The following KLRF1 variants were observed in gnomAD, a reference collection of about 807,000 sequenced individuals.
KLRF1 encodes the protein killer cell lectin-like receptor subfamily F member 1.
Under a neutral mutation model 30.7 loss-of-function variants are expected in KLRF1, and 27 were observed. That is an observed-to-expected ratio of 0.88 (90% confidence interval 0.65 to 1.21). The LOEUF (loss-of-function observed/expected upper bound fraction) is 1.21. Ranked by LOEUF, KLRF1 falls within the 50% of genes most tolerant of loss-of-function variation. The probability of loss-of-function intolerance (pLI) is 0.00; values close to 1 mark genes in which losing one functional copy is unlikely to be tolerated. For synonymous variants in KLRF1, 92 were observed against 89.3 expected, an observed-to-expected ratio of 1.03 and a Z score of -0.17; for missense variants, 246 against 259.3, an observed-to-expected ratio of 0.95 and a Z score of 0.35.
At chr12:9,838,461 A>G (rs1867632398) in intron 3 of KLRF1, among the ~76,000 whole-genome samples, 1 of 152,062 alleles carries the variant, frequency 6.6e-6, no homozygotes, top group African/African-American at 2.4e-5. Flanking sequence ...GTCCCCCAAG[A>G]CTATTCCTTT....
At chr12:9,842,464 A>G (rs923423180) in intron 5 of KLRF1, 31 bp downstream of exon 5, 1 of 1,601,040 alleles carries the variant, frequency 6.2e-7, no homozygotes, top group African/African-American at 1.3e-5. Flanking sequence ...AATCTGATTT[A>G]TTGTTTATTG....
chr12:9,811,783 C>G, the KLRF1 span, among the ~76,000 whole-genome samples: 14 of 152,258 alleles, frequency 9.2e-5, no homozygotes, highest in African/African-American at 3.4e-4. Context: ...GGCTGGTATA[C>G]ATGTCTTATA....
At chr12:9,832,466 C>A in intron 2 of KLRF1, 52 bp downstream of exon 2, 1 of 1,015,786 alleles carries the variant, frequency 9.8e-7, no homozygotes, top group Non-Finnish European at 1.5e-6. Flanking sequence ...GTTTACTTGT[C>A]TCTTATAAAT....
Position 9,844,843 on chromosome 12 carries a change from A to G in KLRF1, c.*317A>G, listed in dbSNP as rs1341497519. On this transcript the variant is annotated 3_prime_UTR_variant, in exon 6 of 6. Transcript: ENST00000617889. ...TGTTTTTCTGTATCTTGCGTTTTAA[A>G]TTCTTAATAAGGTCCTAAACAAAAT... The G allele has an allele frequency of 1.9e-5, 3 of 160,956 alleles. No individual in the cohort carries two copies. Among genetic ancestry groups the G allele is most frequent in the African/African-American group, 2.4e-5 (1 of 41,708 alleles). 10.0% of individuals were successfully genotyped at this position (160,956 alleles called of 1,614,324 possible). A position where few individuals can be genotyped will look rare whatever the true frequency, so the allele number is the denominator to read the frequency against.
At chr12:9,817,959 C>T in the KLRF1 span, 1 of 209,384 alleles carries the variant, frequency 4.8e-6, no homozygotes, top group Non-Finnish European at 1.1e-5. Context: ...GCAGTTTGGT[C>T]CTCATCATAC....
At chr12:9,812,454 G>A in the KLRF1 span, among the ~76,000 whole-genome samples, 2 of 151,998 alleles carry the variant, frequency 1.3e-5, no homozygotes, top group African/African-American at 4.8e-5. Context: ...GGACAGCAAG[G>A]CTGGGGAGAA....
the KLRF1 span, among the ~76,000 whole-genome samples, chr12:9,813,256 G>C: frequency 6.6e-6 from 1 of 151,932 alleles, no homozygotes; most frequent in South Asian, 2.1e-4. Context: ...TGTCTTAACT[G>C]ACATATAAAT....
At chr12:9,815,187 A>G in the KLRF1 span, among the ~76,000 whole-genome samples, 2 of 152,256 alleles carry the variant, frequency 1.3e-5, no homozygotes, top group Non-Finnish European at 2.9e-5. Context: ...AATCATGATG[A>G]TAACAAGAAC....
Position 9,843,261 on chromosome 12 carries a change from A to C in KLRF1, c.587+828A>C, listed in dbSNP as rs148439794. Among the ~76,000 whole-genome samples, 1,493 of 152,278 alleles carry C rather than the reference A, an allele frequency of 9.8e-3. 26 individuals carry two copies. Among genetic ancestry groups the C allele is most frequent in the African/African-American group, 0.034 (1,423 of 41,554 alleles). ...GTGGCCTCGGATTCCTGCCTAGTAC[A>C]TCCAGAAGGTGACTCTGCAGACGTT... is the stretch of plus-strand genomic sequence containing the variant. On this transcript the variant is annotated intron_variant, in intron 5 of 5. Coordinates refer to ENST00000617889, the MANE Select transcript of KLRF1 (RefSeq NM_016523.3).
the KLRF1 span, among the ~76,000 whole-genome samples, chr12:9,816,065 G>A: frequency 8.5e-5 from 13 of 152,240 alleles, no homozygotes; most frequent in Middle Eastern, 3.4e-3. Flanking sequence ...TGATCTGCCC[G>A]CCTCGGCCTC....
Position 9,842,440 on chromosome 12 carries a change from CT to C in KLRF1, c.587+10del, listed in dbSNP as rs1867725228. The C allele has an allele frequency of 1.2e-6, 2 of 1,609,954 alleles. No individual in the cohort carries two copies. The highest frequency in any genetic ancestry group is 1.7e-6 in the Non-Finnish European group (2 of 1,177,838). ...CTCCAATAGATTCAAAGATGTGAGTCTTTCTTAAAAGGCAATCTGATTTATT... is the reference window on the plus strand; with the variant it reads ...CTCCAATAGATTCAAAGATGTGAGTCTTCTTAAAAGGCAATCTGATTTATT... On this transcript the variant is annotated splice_region_variant and intron_variant, in intron 5 of 5. Coordinates refer to ENST00000617889, the MANE Select transcript of KLRF1 (RefSeq NM_016523.3).
At chr12:9,838,847 C>T (rs1867642900) in intron 3 of KLRF1, among the ~76,000 whole-genome samples, 1 of 152,080 alleles carries the variant, frequency 6.6e-6, no homozygotes, top group South Asian at 2.1e-4. Context: ...AGTTTGGGTA[C>T]AGACTTAGCT....
the KLRF1 span, among the ~76,000 whole-genome samples, chr12:9,804,517 A>G: frequency 6.6e-6 from 1 of 152,034 alleles, no homozygotes; most frequent in African/African-American, 2.4e-5. Flanking sequence ...TTTCTAAAAC[A>G]GATTATGAAG....
chr12:9,837,209 ACAATATTTGGC>A (rs1408080303), intron 3 of KLRF1, among the ~76,000 whole-genome samples: 1 of 152,020 alleles, frequency 6.6e-6, no homozygotes, highest in East Asian at 1.9e-4. Flanking sequence ...ATAGAATCAC[ACAATATTTGGC>A]CTTGGGCTTC....
intron 5 of KLRF1, 73 bp from the exon 6 acceptor site, chr12:9,844,345 G>C: frequency 1.3e-6 from 1 of 758,956 alleles, no homozygotes; most frequent in Non-Finnish European, 2.3e-6. Context: ...TTTAAAAGAG[G>C]ATATTAGCAG....
chr12:9,843,558 T>C (rs972567585), intron 5 of KLRF1, among the ~76,000 whole-genome samples: 1 of 152,190 alleles, frequency 6.6e-6, no homozygotes, highest in Non-Finnish European at 1.5e-5. Flanking sequence ...TGTAAAATTA[T>C]GGATGTGTGT....
chr12:9,827,225 G>A (rs2232542), upstream of KLRF1, among the ~76,000 whole-genome samples: 51 of 152,240 alleles, frequency 3.3e-4, no homozygotes, highest in African/African-American at 1.2e-3. Context: ...TCAAAAAGGG[G>A]CATAATTTCC....
chr12:9,800,253 G>A, the KLRF1 span, among the ~76,000 whole-genome samples: 1 of 152,172 alleles, frequency 6.6e-6, no homozygotes, highest in Non-Finnish European at 1.5e-5. Context: ...AGCATTTGGT[G>A]TTGTTCATAT....
At chr12:9,812,446 A>G in the KLRF1 span, among the ~76,000 whole-genome samples, 2 of 151,506 alleles carry the variant, frequency 1.3e-5, no homozygotes, top group African/African-American at 4.9e-5. Context: ...TTATGGCAGG[A>G]CAGCAAGGCT....
Sources: allele counts gnomAD v4.1 joint callset (sites outside exome capture counted in the v4.1 genomes callset), GRCh38; gene constraint gnomAD v4.1.1; transcripts MANE v1.5; gene names NCBI Gene and HGNC (gene_info 2026-07-23, HGNC 2026-07-21).